KLRG1: variants seen among roughly 807,000 people sequenced by gnomAD.
The protein encoded by KLRG1 is killer cell lectin-like receptor subfamily G member 1.
A neutral mutation model predicts 21.8 loss-of-function variants in KLRG1; 16 were observed. The ratio of observed to expected loss-of-function variants is 0.73; its 90% CI spans 0.50 to 1.11. The LOEUF (loss-of-function observed/expected upper bound fraction) is 1.11, where lower values mean the gene tolerates loss of function less well. Ranked by LOEUF, KLRG1 falls within the 50% of genes most tolerant of loss-of-function variation. The pLI is 0.00. For synonymous variants in KLRG1, 69 were observed against 75.9 expected (o/e 0.91, Z 0.47); for missense variants, 173 against 218.3 (o/e 0.79, Z 1.31).
the KLRG1 span, chr12:9,113,620 C>G: frequency 2.2e-6 from 3 of 1,370,716 alleles, no homozygotes; most frequent in Admixed American, 3.7e-5. Flanking sequence ...TTTCCATCAT[C>G]ATAATTATCA....
At chr12:9,173,925 C>T in the KLRG1 span, among the ~76,000 whole-genome samples, 4 of 152,188 alleles carry the variant, frequency 2.6e-5, no homozygotes, top group Admixed American at 1.3e-4. Flanking sequence ...ACCATTTCTA[C>T]TAAAACTATT....
the KLRG1 span, chr12:9,152,757 T>G: frequency 6.6e-7 from 1 of 1,510,342 alleles, no homozygotes; most frequent in Non-Finnish European, 9.0e-7. Flanking sequence ...CCAAATGGAC[T>G]ATTAATTTCT....
the KLRG1 span, chr12:9,135,497 A>C: frequency 2.8e-6 from 1 of 361,516 alleles, no homozygotes; most frequent in Non-Finnish European, 5.3e-6. Flanking sequence ...AACAGCACCG[A>C]CATACAAATG....
intron 1 of KLRG1, among the ~76,000 whole-genome samples, chr12:8,956,375 T>G (rs995464363): frequency 1.8e-4 from 28 of 152,306 alleles, no homozygotes; most frequent in Non-Finnish European, 2.8e-4. Flanking sequence ...GAGCTGAGAC[T>G]CTTCGGGGTG....
intron 3 of KLRG1, among the ~76,000 whole-genome samples, chr12:9,001,233 A>G (rs762098893): frequency 2.6e-5 from 4 of 152,158 alleles, no homozygotes; most frequent in African/African-American, 4.8e-5. Context: ...AGTACTCTGT[A>G]TTGTAAATTT....
the KLRG1 span, among the ~76,000 whole-genome samples, chr12:9,103,526 T>G: frequency 1.1e-4 from 16 of 152,334 alleles, no homozygotes; most frequent in Admixed American, 3.3e-4. Flanking sequence ...ACTTTTCATC[T>G]TGTAAAACTA....
the KLRG1 span, chr12:9,079,873 C>T: frequency 2.1e-6 from 3 of 1,416,706 alleles, no homozygotes; most frequent in Admixed American, 8.1e-5. Flanking sequence ...CTATCAAAGT[C>T]ATTAAGCAGA....
At chr12:9,192,639 C>T in the KLRG1 span, 14 of 1,613,962 alleles carry the variant, frequency 8.7e-6, no homozygotes, top group Non-Finnish European at 1.2e-5. Context: ...AATGTAACTT[C>T]CACTTAAGGA....
intron 3 of KLRG1, among the ~76,000 whole-genome samples, chr12:9,003,691 T>C (rs1006787738): frequency 4.6e-5 from 7 of 151,794 alleles, no homozygotes; most frequent in Non-Finnish European, 1.0e-4. Context: ...AGAGGGTTTT[T>C]TTTTTCTTTT....
the KLRG1 span, chr12:9,090,663 G>C: frequency 1.6e-6 from 1 of 610,932 alleles, no homozygotes; most frequent in Non-Finnish European, 2.7e-6. Context: ...GATTTACACA[G>C]GTAAATCTGA....
At chr12:8,989,493 A>G, upstream of KLRG1, 1 of 603,776 alleles carries the variant, frequency 1.7e-6, no homozygotes, top group Non-Finnish European at 2.9e-6. Context: ...CCAAATTTGA[A>G]TCATTTCCTG....
chr12:9,196,735 G>T, the KLRG1 span: 2 of 1,443,416 alleles, frequency 1.4e-6, no homozygotes, highest in Non-Finnish European at 9.7e-7. Flanking sequence ...GAGATCAATA[G>T]TCACTGAATC....
At position 8,993,094 on chromosome 12, in the gene KLRG1, T is replaced by A. The variant is rs959595410; in HGVS notation, c.187+784T>A. On this transcript the variant is annotated intron_variant, in intron 2 of 4. Transcript: ENST00000356986. ...GAAACATTCTGAATTTTTTTTTTTT[T>A]TTTTTTTGCCATTCAGGTGCTTTCA... 9.5e-4 allele frequency among the ~76,000 whole-genome samples: 144 copies of A among 151,802 alleles called. 2 individuals are homozygous for A. The highest frequency in any genetic ancestry group is 3.4e-3 in the Middle Eastern group (1 of 294).
the KLRG1 span, chr12:9,069,887 G>A: frequency 7.7e-7 from 1 of 1,299,630 alleles, no homozygotes. Flanking sequence ...AAAAATCTTT[G>A]TATTGCCAAA....
chr12:9,106,622 TA>T, the KLRG1 span: 1 of 1,363,722 alleles, frequency 7.3e-7, no homozygotes. Context: ...AGGGAGAAAA[TA>T]AAATACAAAA....
the KLRG1 span, among the ~76,000 whole-genome samples, chr12:9,208,951 G>A: frequency 1.3e-5 from 2 of 152,154 alleles, no homozygotes; most frequent in African/African-American, 4.8e-5. Context: ...CTATTTCACA[G>A]CATTGACCTG....
At chr12:8,967,434 T>TA (rs1946494718) in intron 1 of KLRG1, among the ~76,000 whole-genome samples, 1 of 152,136 alleles carries the variant, frequency 6.6e-6, no homozygotes, top group African/African-American at 2.4e-5. Context: ...AAAAAATTAA[T>TA]AACCAGGCTG....
the KLRG1 span, chr12:9,112,294 T>C: frequency 6.2e-7 from 1 of 1,603,824 alleles, no homozygotes; most frequent in Non-Finnish European, 8.5e-7. Flanking sequence ...GGAACCAAGA[T>C]TATAGGAACT....
chr12:9,117,501 A>G, the KLRG1 span, among the ~76,000 whole-genome samples: 1 of 152,344 alleles, frequency 6.6e-6, no homozygotes, highest in East Asian at 1.9e-4. Context: ...GGAATAAAGG[A>G]AAATGTGTCT....
Sources: allele counts gnomAD v4.1 joint callset (sites outside exome capture counted in the v4.1 genomes callset), GRCh38; gene constraint gnomAD v4.1.1; transcripts MANE v1.5; gene names NCBI Gene and HGNC (gene_info 2026-07-23, HGNC 2026-07-21).